RAN: variants seen among roughly 807,000 people sequenced by gnomAD.
RAN encodes GTP-binding nuclear protein Ran.
In RAN, 2 loss-of-function variants were observed where a neutral mutation model predicts 26.8. The observed-to-expected ratio is 0.07, with a 90% confidence interval of 0.03 to 0.23. The LOEUF (loss-of-function observed/expected upper bound fraction) is 0.23, where lower values mean the gene tolerates loss of function less well. Among genes scored for constraint, RAN ranks in the 10% least tolerant of loss-of-function variants. The pLI is 1.00. For synonymous variants in RAN, 132 were observed against 95.9 expected (o/e 1.38, Z -2.20); for missense variants, 56 against 264.8 (o/e 0.21, Z 5.47).
At position 130,874,498 on chromosome 12, in the gene RAN, A is replaced by G. The variant is rs750403682; in HGVS notation, c.248-48A>G. 5 of 1,423,818 alleles carry G rather than the reference A, an allele frequency of 3.5e-6. No homozygotes were observed. The Admixed American group carries it at 5.7e-5, about 16-fold the overall frequency. 88.2% of individuals were successfully genotyped at this position (1,423,818 alleles called of 1,614,324 possible). A position where few individuals can be genotyped will look rare whatever the true frequency, so the allele number is the denominator to read the frequency against. ...TAGTCTCTGGTTCTTAGCATTCTTC[A>G]CTTGTGCAGTAAACTGAGTGTACTA... On this transcript the variant is annotated intron_variant, in intron 4 of 6. Transcript: ENST00000543796.
intron 4 of RAN, chr12:130,873,377 CAT>C (rs1365616474): frequency 4.7e-6 from 2 of 428,006 alleles, no homozygotes; most frequent in Admixed American, 3.9e-5. Flanking sequence ...ACTTATAAGT[CAT>C]ATTTAAAACA....
At chr12:130,875,125 C>T (rs1394964621) in intron 5 of RAN, among the ~76,000 whole-genome samples, 6 of 152,026 alleles carry the variant, frequency 3.9e-5, no homozygotes, top group African/African-American at 7.2e-5. Flanking sequence ...TGTGCCCGGC[C>T]GGAAATAATT....
chr12:130,873,278 G>A, intron 4 of RAN, 150 bp downstream of exon 4: 1 of 1,038,528 alleles, frequency 9.6e-7, no homozygotes. Flanking sequence ...CCACCATTTT[G>A]GTGGCAGAGA....
Position 130,876,693 on chromosome 12 carries a change from A to G in RAN, c.*767A>G, listed in dbSNP as rs1405440276. The G allele has an allele frequency of 6.6e-6, 1 of 152,236 alleles. No individual in the cohort carries two copies. The allele number at this position is 152,236 out of a possible 1,614,324, so 9.4% of individuals were successfully genotyped here. On this transcript the variant is annotated 3_prime_UTR_variant, in exon 7 of 7. Transcript: ENST00000543796. ...CAAAAGTAATCATGTTTTAATGTAG[A>G]ACCTCAAACAGGATGGAACATCAGT...
At chr12:130,872,225 G>C (rs978346710) in intron 1 of RAN, 99 bp downstream of exon 1, 1 of 155,398 alleles carries the variant, frequency 6.4e-6, no homozygotes, top group African/African-American at 2.4e-5. Flanking sequence ...GCGGGTGGCG[G>C]ACCCAGGGGC....
rs758439895 is a variant in RAN at position 130,876,234 on chromosome 12, ATTCC to A, written c.*311_*314del. 18 of 356,460 alleles carry A rather than the reference ATTCC, an allele frequency of 5.0e-5. No homozygotes were observed. Among genetic ancestry groups the A allele is most frequent in the Non-Finnish European group, 8.7e-5 (17 of 195,954 alleles). The allele number at this position is 356,460 out of a possible 1,614,324, so 22.1% of individuals were successfully genotyped here. ...AATCTTGTTTGTTACTGTCATTCCC[ATTCC>A]TTTTCGTTTAGAATCAGAATAAAGT... On this transcript the variant is annotated 3_prime_UTR_variant, in exon 7 of 7. Coordinates refer to ENST00000543796, the MANE Select transcript of RAN (RefSeq NM_006325.5).
chr12:130,874,423 G>A (rs1953200011), intron 4 of RAN, 123 bp from the exon 5 acceptor site: 1 of 672,884 alleles, frequency 1.5e-6, no homozygotes, highest in Admixed American at 3.2e-5. Context: ...AAAGTGAGGG[G>A]AGAGATACAG....
At chr12:130,873,504 C>CG (rs1953177975) in intron 4 of RAN, 1 of 234,570 alleles carries the variant, frequency 4.3e-6, no homozygotes, top group African/African-American at 2.3e-5. Flanking sequence ...ACACCAGATA[C>CG]TAGACCAGAG....
rs1953219327 is a variant in RAN, at chr12:130,875,354, T to A, written c.436-258T>A. Among the ~76,000 whole-genome samples the A allele has an allele frequency of 6.6e-6, 1 of 152,038 alleles. No individual in the cohort carries two copies. Among genetic ancestry groups the A allele is most frequent in the Non-Finnish European group, 1.5e-5 (1 of 68,016 alleles). ...CTCCCACCTCAGCCTTCTGAGTAGCTGGGCTCACAGGCACTCACCACCATG... is the reference window on the plus strand; with the variant it reads ...CTCCCACCTCAGCCTTCTGAGTAGCAGGGCTCACAGGCACTCACCACCATG... On this transcript the variant is annotated intron_variant, in intron 5 of 6. Transcript: ENST00000543796.
rs1403403163 is a variant in RAN at position 130,875,835 on chromosome 12, G to A, written c.607-47G>A. On this transcript the variant is annotated intron_variant, in intron 6 of 6. Transcript: ENST00000543796. ...TGTTCGGTTTGGCTTGTTTATTCCT[G>A]GCAGTTTTGATCTGGAGTGTTAACG... The A allele has an allele frequency of 3.7e-6, 6 of 1,614,012 alleles. No homozygotes were observed. In the African/African-American group the frequency reaches 4.0e-5, roughly 11 times the overall value.
chr12:130,876,838 CCA>C lies in RAN; in HGVS notation c.*915_*916del, dbSNP rs2136405144. 6.6e-6 allele frequency: 1 copy of C among 152,186 alleles called. No individual in the cohort carries two copies. The highest frequency in any genetic ancestry group is 1.5e-5 in the Non-Finnish European group (1 of 68,012). 9.4% of individuals were successfully genotyped at this position (152,186 alleles called of 1,614,324 possible). A position where few individuals can be genotyped will look rare whatever the true frequency, so the allele number is the denominator to read the frequency against. ...CGCAAGGAAAATGGTCCATGTTTACCCACAGTTTTCAGGTACTCCTAGACTTT... is the reference window on the plus strand; with the variant it reads ...CGCAAGGAAAATGGTCCATGTTTACCCAGTTTTCAGGTACTCCTAGACTTT... On this transcript the variant is annotated 3_prime_UTR_variant, in exon 7 of 7. Coordinates refer to ENST00000543796, the MANE Select transcript of RAN (RefSeq NM_006325.5).
chr12:130,875,847 C>G (rs746998774), intron 6 of RAN, 35 bp from the exon 7 acceptor site: 2 of 1,614,088 alleles, frequency 1.2e-6, no homozygotes, highest in Admixed American at 3.3e-5. Context: ...CAGTTTTGAT[C>G]TGGAGTGTTA....
At position 130,876,219 on chromosome 12, in the gene RAN, G is replaced by T; in HGVS notation, c.*293G>T. 2.5e-6 allele frequency: 1 copy of T among 402,670 alleles called. No individual in the cohort carries two copies. The highest frequency in any genetic ancestry group is 4.5e-6 in the Non-Finnish European group (1 of 223,766). The allele number at this position is 402,670 out of a possible 1,614,324, so 24.9% of individuals were successfully genotyped here. Reference sequence around the variant, plus strand: ...AATATTCAGTGGTGAAATCTTGTTTGTTACTGTCATTCCCATTCCTTTTCG... The same window carrying T: ...AATATTCAGTGGTGAAATCTTGTTTTTTACTGTCATTCCCATTCCTTTTCG... On this transcript the variant is annotated 3_prime_UTR_variant, in exon 7 of 7. Coordinates refer to ENST00000543796, the MANE Select transcript of RAN (RefSeq NM_006325.5).
chr12:130,874,839 C>A, intron 5 of RAN, 106 bp downstream of exon 5: 3 of 1,022,502 alleles, frequency 2.9e-6, no homozygotes, highest in Non-Finnish European at 4.2e-6. Flanking sequence ...TTTTTTTTCC[C>A]CAAGACGGAG....
chr12:130,872,531 G>C (rs1271911489), intron 1 of RAN, 53 bp from the exon 2 acceptor site: 2 of 1,341,898 alleles, frequency 1.5e-6, no homozygotes, highest in South Asian at 3.9e-5. Context: ...GAGCGGGGCC[G>C]CCATGGGCTG....
chr12:130,876,189 A>G lies in RAN; in HGVS notation c.*263A>G. ...TCATATATAAGACTGCTGCAGTCAC[A>G]TCACAATATTCAGTGGTGAAATCTT... On this transcript the variant is annotated 3_prime_UTR_variant, in exon 7 of 7. Coordinates refer to ENST00000543796, the MANE Select transcript of RAN (RefSeq NM_006325.5). The G allele has an allele frequency of 2.0e-6, 1 of 493,802 alleles. No individual in the cohort carries two copies. The highest frequency in any genetic ancestry group is 3.7e-5 in the Admixed American group (1 of 26,782). 30.6% of individuals were successfully genotyped at this position (493,802 alleles called of 1,614,324 possible).
intron 3 of RAN, 26 bp from the exon 4 acceptor site, chr12:130,872,977 A>T: frequency 6.2e-7 from 1 of 1,614,140 alleles, no homozygotes. Context: ...AAGTTCATCC[A>T]CTCAATCGCA....
At chr12:130,873,515 G>A in intron 4 of RAN, 1 of 204,304 alleles carries the variant, frequency 4.9e-6, no homozygotes, top group South Asian at 7.3e-5. Flanking sequence ...TAGACCAGAG[G>A]AGATAGGAGA....
At chr12:130,872,511 G>A in intron 1 of RAN, 73 bp from the exon 2 acceptor site, 2 of 1,164,614 alleles carry the variant, frequency 1.7e-6, no homozygotes, top group Non-Finnish European at 1.1e-6. Flanking sequence ...GTGGGGCGCT[G>A]GGGGCGCGGG....
Sources: allele counts gnomAD v4.1 joint callset (sites outside exome capture counted in the v4.1 genomes callset), GRCh38; gene constraint gnomAD v4.1.1; transcripts MANE v1.5; gene names NCBI Gene and HGNC (gene_info 2026-07-23, HGNC 2026-07-21).